The following NSL1 variants were observed in gnomAD, a reference collection of about 807,000 sequenced individuals.
NSL1 encodes the protein kinetochore-associated protein NSL1 homolog.
A neutral mutation model predicts 25.4 loss-of-function variants in NSL1; 11 were observed. The ratio of observed to expected loss-of-function variants is 0.43; its 90% CI spans 0.27 to 0.72. The LOEUF (loss-of-function observed/expected upper bound fraction) is 0.72, where lower values mean the gene tolerates loss of function less well. NSL1 is among the 30% of genes least tolerant of loss of function. NSL1 has a pLI of 0.19. For synonymous variants in NSL1, 118 were observed against 120.6 expected, an observed-to-expected ratio of 0.98 and a Z score of 0.14; for missense variants, 330 against 342.7, an observed-to-expected ratio of 0.96 and a Z score of 0.29.
chr1:212,778,548 G>A (rs915374661), intron 4 of NSL1, among the ~76,000 whole-genome samples: 8 of 152,182 alleles, frequency 5.3e-5, no homozygotes, highest in South Asian at 2.1e-4. Flanking sequence ...GCAGGCGCGC[G>A]CCGCCACGCC....
At chr1:212,744,272 T>C (rs979102853) in intron 4 of NSL1, among the ~76,000 whole-genome samples, 3 of 152,174 alleles carry the variant, frequency 2.0e-5, no homozygotes, top group Non-Finnish European at 4.4e-5. Flanking sequence ...AGCTGACCAC[T>C]AAGCTAATGG....
rs1657848454 is a variant in NSL1, at chr1:212,727,825, A to G, written c.*10583T>C. The G allele has an allele frequency of 1.0e-6, 1 of 981,362 alleles. No homozygotes were observed. The highest frequency in any genetic ancestry group is 1.2e-6 in the Non-Finnish European group (1 of 826,318). The allele number at this position is 981,362 out of a possible 1,614,324, so 60.8% of individuals were successfully genotyped here. Reference sequence around the variant, plus strand: ...TTCTTAGACACTAGTATTACATAGTAATATTCACTATTCGTTAACTGCTGG... The same window carrying G: ...TTCTTAGACACTAGTATTACATAGTGATATTCACTATTCGTTAACTGCTGG... On this transcript the variant is annotated 3_prime_UTR_variant, in exon 6 of 6. Transcript: ENST00000366977.
chr1:212,727,655 AT>A lies in NSL1; in HGVS notation c.*10752del. ...CACAAATTCAGAATTTACTATAATT[AT>A]AATCCTGAACAATCAGGACTGTTAG... On this transcript the variant is annotated 3_prime_UTR_variant, in exon 6 of 6. Transcript: ENST00000366977. 1.0e-6 allele frequency: 1 copy of A among 985,406 alleles called. No homozygotes were observed. Among genetic ancestry groups the A allele is most frequent in the Non-Finnish European group, 1.2e-6 (1 of 829,878 alleles). The allele number at this position is 985,406 out of a possible 1,614,324, so 61.0% of individuals were successfully genotyped here.
In NSL1 at chr1:212,734,939, A is replaced by G. The variant is rs570362099; in HGVS notation, c.*3469T>C. On this transcript the variant is annotated 3_prime_UTR_variant, in exon 6 of 6. Transcript: ENST00000366977. Reference sequence around the variant, plus strand: ...TTCATTTCCTTTATCAAAAGAAGTAATAACAGTGATCATAGAGTACTCATA... The same window carrying G: ...TTCATTTCCTTTATCAAAAGAAGTAGTAACAGTGATCATAGAGTACTCATA... 3.9e-5 allele frequency among the ~76,000 whole-genome samples: 6 copies of G among 152,350 alleles called. No individual in the cohort carries two copies. The South Asian group carries it at 1.0e-3, about 26-fold the overall frequency.
chr1:212,757,865 T>C (rs1040813255), intron 4 of NSL1, among the ~76,000 whole-genome samples: 1 of 152,158 alleles, frequency 6.6e-6, no homozygotes, highest in Admixed American at 6.5e-5. Context: ...TAAGCGAATA[T>C]GGTGACATGG....
At position 212,736,635 on chromosome 1, in the gene NSL1, T is replaced by C. The variant is rs1658243289; in HGVS notation, c.*1773A>G. 2 of 985,256 alleles carry C rather than the reference T, an allele frequency of 2.0e-6. No homozygotes were observed. Among genetic ancestry groups the C allele is most frequent in the Non-Finnish European group, 2.4e-6 (2 of 829,850 alleles). 61.0% of individuals were successfully genotyped at this position (985,256 alleles called of 1,614,324 possible). The stretch of plus-strand genomic sequence containing the variant: ...TCTGCTATAACTATGGAGTAAAACT[T>C]TGGGCTCTCAAGAGGATTTCAAATC... On this transcript the variant is annotated 3_prime_UTR_variant, in exon 6 of 6. Transcript: ENST00000366977.
intron 2 of NSL1, among the ~76,000 whole-genome samples, chr1:212,786,791 G>A (rs758517592): frequency 1.3e-5 from 2 of 152,192 alleles, no homozygotes; most frequent in Non-Finnish European, 2.9e-5. Context: ...CTAGGTAAGA[G>A]TGAAACTCTG....
Position 212,737,248 on chromosome 1 carries a change from T to C in NSL1, c.*1160A>G. 1 of 985,380 alleles carries C rather than the reference T, an allele frequency of 1.0e-6. No individual in the cohort carries two copies. The highest frequency in any genetic ancestry group is 1.2e-6 in the Non-Finnish European group (1 of 829,872). 61.0% of individuals were successfully genotyped at this position (985,380 alleles called of 1,614,324 possible). ...CAAACTGTAACACTGAAACACAAAA[T>C]GCAACAAAGTGGCTTTATAAGTTTT... On this transcript the variant is annotated 3_prime_UTR_variant, in exon 6 of 6. Coordinates refer to ENST00000366977, the MANE Select transcript of NSL1 (RefSeq NM_015471.4).
At chr1:212,768,502 C>G (rs904789243) in intron 4 of NSL1, among the ~76,000 whole-genome samples, 2 of 152,080 alleles carry the variant, frequency 1.3e-5, no homozygotes, top group Non-Finnish European at 2.9e-5. Flanking sequence ...TGCCCATCAA[C>G]CAACTAGTGC....
intron 2 of NSL1, 64 bp from the exon 3 acceptor site, chr1:212,784,557 T>C: frequency 9.7e-7 from 1 of 1,035,410 alleles, no homozygotes; most frequent in South Asian, 2.0e-5. Flanking sequence ...ACATTCTGTA[T>C]GGAAATGTGC....
intron 4 of NSL1, among the ~76,000 whole-genome samples, chr1:212,747,886 TC>T: frequency 6.6e-6 from 1 of 152,302 alleles, no homozygotes; most frequent in East Asian, 1.9e-4. Context: ...TATCTCAGCC[TC>T]CTGAGTAGCT....
chr1:212,731,843 T>A lies in NSL1; in HGVS notation c.*6565A>T, dbSNP rs964246335. The stretch of plus-strand genomic sequence containing the variant: ...GGTTGGCACAGAAGCCTCCTCACTA[T>A]CCCTGCCACTCTGGCTGCTCCAGCT... On this transcript the variant is annotated 3_prime_UTR_variant, in exon 6 of 6. Coordinates refer to ENST00000366977, the MANE Select transcript of NSL1 (RefSeq NM_015471.4). 4.1e-6 allele frequency: 4 copies of A among 985,112 alleles called. No individual in the cohort carries two copies. The highest frequency in any genetic ancestry group is 4.8e-6 in the Non-Finnish European group (4 of 829,752). The allele number at this position is 985,112 out of a possible 1,614,324, so 61.0% of individuals were successfully genotyped here. A position where few individuals can be genotyped will look rare whatever the true frequency, so the allele number is the denominator to read the frequency against.
Position 212,791,587 on chromosome 1 carries a change from C to CT in NSL1, c.176dup (p.Leu60AlafsTer22). 6.2e-7 allele frequency: 1 copy of CT among 1,613,936 alleles called. No homozygotes were observed. Among genetic ancestry groups the CT allele is most frequent in the Middle Eastern group, 1.7e-4 (1 of 6,060 alleles). On this transcript the variant is annotated frameshift_variant, in exon 1 of 6. Coordinates refer to ENST00000366977, the MANE Select transcript of NSL1 (RefSeq NM_015471.4). LOFTEE classifies it high-confidence loss of function. ...TCTCCTCCGGCAGAGCGTCCCCGAG[C>CT]TTTTGCACGAAGCGGCCGCACAGTT...
chr1:212,728,875 G>A lies in NSL1; in HGVS notation c.*9533C>T. The A allele has an allele frequency of 3.0e-6, 3 of 985,362 alleles. No individual in the cohort carries two copies. Among genetic ancestry groups the A allele is most frequent in the Non-Finnish European group, 3.6e-6 (3 of 829,914 alleles). 61.0% of individuals were successfully genotyped at this position (985,362 alleles called of 1,614,324 possible). A position where few individuals can be genotyped will look rare whatever the true frequency, so the allele number is the denominator to read the frequency against. On this transcript the variant is annotated 3_prime_UTR_variant, in exon 6 of 6. Transcript: ENST00000366977. ...AGGAGGGCAAGACTGGGAGTGCTGGGGGTGGGGAGGCCAGAGTCCACCACT... is the reference window on the plus strand; with the variant it reads ...AGGAGGGCAAGACTGGGAGTGCTGGAGGTGGGGAGGCCAGAGTCCACCACT...
intron 4 of NSL1, among the ~76,000 whole-genome samples, chr1:212,745,226 A>C (rs987723519): frequency 2.0e-4 from 30 of 150,352 alleles, no homozygotes; most frequent in African/African-American, 7.4e-4. Context: ...GCATAACAAG[A>C]GTCTCAGAAG....
At chr1:212,765,323 G>C (rs575364871) in intron 4 of NSL1, among the ~76,000 whole-genome samples, 2 of 152,222 alleles carry the variant, frequency 1.3e-5, no homozygotes, top group East Asian at 3.9e-4. Context: ...GAACATAGAT[G>C]CAAAAATCCT....
intron 4 of NSL1, among the ~76,000 whole-genome samples, chr1:212,774,664 A>G (rs1340321097): frequency 6.6e-6 from 1 of 152,254 alleles, no homozygotes; most frequent in African/African-American, 2.4e-5. Context: ...TAGGTTGATA[A>G]AAGAGCAGAC....
Position 212,733,032 on chromosome 1 carries a change from T to C in NSL1, c.*5376A>G, listed in dbSNP as rs1287356054. Among the ~76,000 whole-genome samples, 1 of 152,214 alleles carries C rather than the reference T, an allele frequency of 6.6e-6. No homozygotes were observed. Among genetic ancestry groups the C allele is most frequent in the Non-Finnish European group, 1.5e-5 (1 of 68,044 alleles). On this transcript the variant is annotated 3_prime_UTR_variant, in exon 6 of 6. Transcript: ENST00000366977. ...TTTATTCTCTTTTTAAATTGAGATA[T>C]ACTTTACCATCTCACTCACCCTTTT...
At chr1:212,762,223 G>A (rs899657563) in intron 4 of NSL1, among the ~76,000 whole-genome samples, 19 of 150,334 alleles carry the variant, frequency 1.3e-4, no homozygotes, top group South Asian at 2.1e-4. Flanking sequence ...ACTTGAACCC[G>A]GGAGGCAGAG....
Sources: allele counts gnomAD v4.1 joint callset (sites outside exome capture counted in the v4.1 genomes callset), GRCh38; gene constraint gnomAD v4.1.1; transcripts MANE v1.5; gene names NCBI Gene and HGNC (gene_info 2026-07-23, HGNC 2026-07-21).